EREG: variants seen among roughly 807,000 people sequenced by gnomAD.
EREG encodes the protein proepiregulin.
In EREG, 23 loss-of-function variants were observed where a neutral mutation model predicts 22.4. That is an observed-to-expected ratio of 1.03 (90% CI 0.74 to 1.46). EREG has a LOEUF of 1.46. EREG is among the 40% of genes most tolerant of loss of function. EREG has a pLI of 0.00. For synonymous variants in EREG, 100 were observed against 75.4 expected, an observed-to-expected ratio of 1.33 and a Z score of -1.69; for missense variants, 226 against 205.9, an observed-to-expected ratio of 1.10 and a Z score of -0.60.
Position 74,365,170 on chromosome 4 carries a change from A to T in EREG, c.-139A>T. On this transcript the variant is annotated 5_prime_UTR_variant, in exon 1 of 5. Coordinates refer to ENST00000244869, the MANE Select transcript of EREG (RefSeq NM_001432.3). Reference sequence around the variant, plus strand: ...ACTTGCCTGATATTTCCAGTGTCAGAGGGACACAGCCAACGTGGGGTCCCT... The same window carrying T: ...ACTTGCCTGATATTTCCAGTGTCAGTGGGACACAGCCAACGTGGGGTCCCT... 1.5e-6 allele frequency: 1 copy of T among 663,852 alleles called. No homozygotes were observed. Among genetic ancestry groups the T allele is most frequent in the Non-Finnish European group, 2.7e-6 (1 of 373,882 alleles). 41.1% of individuals were successfully genotyped at this position (663,852 alleles called of 1,614,324 possible). A position where few individuals can be genotyped will look rare whatever the true frequency, so the allele number is the denominator to read the frequency against.
At chr4:74,373,720 A>G (rs931928034) in intron 1 of EREG, among the ~76,000 whole-genome samples, 1 of 148,850 alleles carries the variant, frequency 6.7e-6, no homozygotes, top group East Asian at 1.9e-4. Flanking sequence ...ATGTATATAT[A>G]TAAGTATATA....
At chr4:74,366,470 T>C (rs1752186518) in intron 1 of EREG, among the ~76,000 whole-genome samples, 1 of 152,180 alleles carries the variant, frequency 6.6e-6, no homozygotes, top group African/African-American at 2.4e-5. Context: ...AAACTAGATA[T>C]GTGGTTTCTG....
intron 1 of EREG, among the ~76,000 whole-genome samples, chr4:74,371,066 C>G (rs1752281421): frequency 6.6e-6 from 1 of 152,124 alleles, no homozygotes; most frequent in African/African-American, 2.4e-5. Context: ...TCGTGACAAC[C>G]ATCATAGTCT....
intron 4 of EREG, among the ~76,000 whole-genome samples, chr4:74,383,318 T>C (rs916133909): frequency 6.6e-6 from 1 of 152,174 alleles, no homozygotes; most frequent in Non-Finnish European, 1.5e-5. Flanking sequence ...ATTCCTCAAG[T>C]CACATTTTTT....
Position 74,381,223 on chromosome 4 carries a change from T to C in EREG, c.278+86T>C, listed in dbSNP as rs545215310. 9.8e-5 allele frequency: 114 copies of C among 1,164,132 alleles called. No homozygotes were observed. In the South Asian group the frequency reaches 1.4e-3, roughly 14 times the overall value. The allele number at this position is 1,164,132 out of a possible 1,614,324, so 72.1% of individuals were successfully genotyped here. On this transcript the variant is annotated intron_variant, in intron 3 of 4. Coordinates refer to ENST00000244869, the MANE Select transcript of EREG (RefSeq NM_001432.3). ...ACAAGTGCAGATTTGCTAGTGGATATATTCAGTAGTGGTGAAGTCTGAGCT... is the reference window on the plus strand; with the variant it reads ...ACAAGTGCAGATTTGCTAGTGGATACATTCAGTAGTGGTGAAGTCTGAGCT...
At chr4:74,382,094 C>T (rs957594343) in intron 3 of EREG, 1 of 151,112 alleles carries the variant, frequency 6.6e-6, no homozygotes, top group Non-Finnish European at 1.5e-5. Flanking sequence ...CACTTGAGGT[C>T]AGGAGTTCCT....
chr4:74,384,434 A>T lies in EREG; in HGVS notation c.429-293A>T, dbSNP rs542566876. 1.6e-4 allele frequency among the ~76,000 whole-genome samples: 24 copies of T among 152,278 alleles called. No homozygotes were observed. In the South Asian group the frequency reaches 4.6e-3, roughly 29 times the overall value. ...CAGAAAAAGAAAACCTAAAATTCAG[A>T]CTTAAATGTGGCCACACGCCTCTTG... On this transcript the variant is annotated intron_variant, in intron 4 of 4. Transcript: ENST00000244869.
intron 1 of EREG, among the ~76,000 whole-genome samples, chr4:74,371,341 C>T (rs964843321): frequency 1.4e-4 from 22 of 152,178 alleles, no homozygotes; most frequent in Admixed American, 1.1e-3. Flanking sequence ...ATCAGCTTGG[C>T]AATATTTATT....
chr4:74,365,477 T>G, intron 1 of EREG, 102 bp downstream of exon 1: 2 of 966,230 alleles, frequency 2.1e-6, no homozygotes, highest in Non-Finnish European at 3.1e-6. Context: ...GTCTCCAGGT[T>G]CAAGTGTGCT....
rs1203440912 is a variant in EREG, at chr4:74,387,649, G to T, written c.*2841G>T. On this transcript the variant is annotated 3_prime_UTR_variant, in exon 5 of 5. Transcript: ENST00000244869. ...AAAAACTGATTTGCTCTCAGCTGATGTGTCCTGTACACAGTGGGAAGATTT... is the reference window on the plus strand; with the variant it reads ...AAAAACTGATTTGCTCTCAGCTGATTTGTCCTGTACACAGTGGGAAGATTT... 6.6e-6 allele frequency: 1 copy of T among 152,132 alleles called. No individual in the cohort carries two copies. The highest frequency in any genetic ancestry group is 2.4e-5 in the African/African-American group (1 of 41,416). The allele number at this position is 152,132 out of a possible 1,614,324, so 9.4% of individuals were successfully genotyped here. A position where few individuals can be genotyped will look rare whatever the true frequency, so the allele number is the denominator to read the frequency against.
chr4:74,381,561 A>G (rs2110388959), intron 3 of EREG: 1 of 152,738 alleles, frequency 6.5e-6, no homozygotes, highest in South Asian at 2.1e-4. Context: ...TAGCTTTTAA[A>G]TTGCACACAT....
rs1202370451 is a variant in EREG, at chr4:74,386,067, C to A, written c.*1259C>A. 2.9e-6 allele frequency: 1 copy of A among 344,792 alleles called. No homozygotes were observed. Among genetic ancestry groups the A allele is most frequent in the Non-Finnish European group, 5.2e-6 (1 of 191,882 alleles). 21.4% of individuals were successfully genotyped at this position (344,792 alleles called of 1,614,324 possible). ...ACATTTGTTTATTTTTTGGAAGAGACAAAGATTTCTTCTGCACTCTGAGCC... is the reference window on the plus strand; with the variant it reads ...ACATTTGTTTATTTTTTGGAAGAGAAAAAGATTTCTTCTGCACTCTGAGCC... On this transcript the variant is annotated 3_prime_UTR_variant, in exon 5 of 5. Transcript: ENST00000244869.
At chr4:74,372,621 G>A (rs1752309366) in intron 1 of EREG, among the ~76,000 whole-genome samples, 1 of 152,102 alleles carries the variant, frequency 6.6e-6, no homozygotes. Context: ...GGGAGTCAAG[G>A]TAGAAAAGGT....
intron 1 of EREG, 117 bp from the exon 2 acceptor site, chr4:74,379,331 G>A: frequency 1.6e-6 from 1 of 629,776 alleles, no homozygotes; most frequent in Non-Finnish European, 2.9e-6. Flanking sequence ...TTATGGTTTT[G>A]ATGGACCAAA....
chr4:74,365,864 C>G (rs541301631), intron 1 of EREG, among the ~76,000 whole-genome samples: 1 of 152,164 alleles, frequency 6.6e-6, no homozygotes, highest in East Asian at 1.9e-4. Flanking sequence ...TTAGCTTTCC[C>G]GGAGGAGCTG....
chr4:74,371,288 A>G (rs894895065), intron 1 of EREG, among the ~76,000 whole-genome samples: 1 of 152,188 alleles, frequency 6.6e-6, no homozygotes, highest in African/African-American at 2.4e-5. Flanking sequence ...AATTTTAATG[A>G]TAATCTGGAT....
At position 74,386,293 on chromosome 4, in the gene EREG, C is replaced by A. The variant is rs1560600994; in HGVS notation, c.*1485C>A. ...TGGCATGTGCTAGGGTAAACGAAGG[C>A]ATAATAAGCCATGGCTGACCTCTGG... On this transcript the variant is annotated 3_prime_UTR_variant, in exon 5 of 5. Transcript: ENST00000244869. 1 of 153,548 alleles carries A rather than the reference C, an allele frequency of 6.5e-6. No individual in the cohort carries two copies. Among genetic ancestry groups the A allele is most frequent in the Non-Finnish European group, 1.4e-5 (1 of 69,000 alleles). 9.5% of individuals were successfully genotyped at this position (153,548 alleles called of 1,614,324 possible). A position where few individuals can be genotyped will look rare whatever the true frequency, so the allele number is the denominator to read the frequency against.
intron 1 of EREG, among the ~76,000 whole-genome samples, chr4:74,375,055 A>G (rs1446992556): frequency 7.6e-6 from 1 of 130,890 alleles, no homozygotes; most frequent in Middle Eastern, 3.6e-3. Context: ...CCACCAGACA[A>G]GAAATGCCAC....
chr4:74,369,924 G>A (rs1157338826), intron 1 of EREG, among the ~76,000 whole-genome samples: 2 of 151,872 alleles, frequency 1.3e-5, no homozygotes, highest in East Asian at 1.9e-4. Context: ...TAAAATTAGA[G>A]CTGTCATCAT....
Sources: gnomAD v4.1 joint callset for allele counts (sites outside exome capture counted in the v4.1 genomes callset) on GRCh38, gnomAD v4.1.1 for gene constraint, MANE v1.5 for transcripts, NCBI Gene and HGNC (gene_info 2026-07-23, HGNC 2026-07-21) for gene names.